The following SLC25A26 variants were observed in gnomAD, a reference collection of about 807,000 sequenced individuals.
SLC25A26 encodes the protein mitochondrial S-adenosylmethionine carrier protein.
Under a neutral mutation model 37.8 loss-of-function variants are expected in SLC25A26, and 36 were observed. That is an observed-to-expected ratio of 0.95 (90% confidence interval 0.73 to 1.26). The LOEUF is 1.26. SLC25A26 is among the 50% of genes most tolerant of loss of function. SLC25A26 has a pLI of 0.00. For missense variants in SLC25A26, 390 were observed against 331.1 expected (o/e 1.18, Z -1.38); for synonymous variants, 129 against 122.5 (o/e 1.05, Z -0.35).
intron 3 of SLC25A26, 47 bp from the exon 4 acceptor site, chr3:66,262,004 T>C: frequency 8.5e-7 from 1 of 1,183,362 alleles, no homozygotes; most frequent in Non-Finnish European, 1.2e-6. Context: ...TTTCAATTTT[T>C]ATAGCAGTTA....
intron 1 of SLC25A26, among the ~76,000 whole-genome samples, chr3:66,189,807 A>G (rs2070901959): frequency 2.0e-5 from 3 of 151,762 alleles, no homozygotes; most frequent in Admixed American, 1.3e-4. Context: ...GACTACAGGC[A>G]TGCACCACCA....
chr3:66,376,294 G>C (rs570601822), intron 9 of SLC25A26, among the ~76,000 whole-genome samples: 2 of 152,300 alleles, frequency 1.3e-5, no homozygotes, highest in African/African-American at 4.8e-5. Flanking sequence ...TGGCAGAGTT[G>C]AGACGGTTGA....
At chr3:66,360,505 TAAAA>T (rs1275195708) in intron 6 of SLC25A26, among the ~76,000 whole-genome samples, 1 of 150,998 alleles carries the variant, frequency 6.6e-6, no homozygotes, top group African/African-American at 2.4e-5. Context: ...ATGAGCTTTA[TAAAA>T]AAAAAGCTAT....
At chr3:66,348,127 TCAACAA>T (rs368232804) in intron 6 of SLC25A26, among the ~76,000 whole-genome samples, 21 of 152,078 alleles carry the variant, frequency 1.4e-4, no homozygotes, top group African/African-American at 4.6e-4. Context: ...CCCTGGAACT[TCAACAA>T]CAACAACAAC....
At chr3:66,372,137 T>G (rs1700379650) in intron 9 of SLC25A26, among the ~76,000 whole-genome samples, 1 of 152,148 alleles carries the variant, frequency 6.6e-6, no homozygotes, top group South Asian at 2.1e-4. Context: ...CAAATAGCAA[T>G]TGGGCTACAT....
chr3:66,281,663 T>TG (rs974372657), intron 5 of SLC25A26, among the ~76,000 whole-genome samples: 4 of 152,178 alleles, frequency 2.6e-5, no homozygotes, highest in Admixed American at 2.0e-4. Flanking sequence ...TTCATAAGTG[T>TG]GTGCAATCAC....
rs1371582460 is a variant in SLC25A26 at position 66,378,718 on chromosome 3, T to A, written c.*911T>A. ...AAACAGTATGTGATTTTGCTTCGCC[T>A]ATTTTTTTTTTCTTTTTTGGGGGAA... On this transcript the variant is annotated 3_prime_UTR_variant, in exon 10 of 10. Coordinates refer to ENST00000354883, the MANE Select transcript of SLC25A26 (RefSeq NM_001379210.1). 1 of 152,538 alleles carries A rather than the reference T, an allele frequency of 6.6e-6. No individual in the cohort carries two copies. The highest frequency in any genetic ancestry group is 2.4e-5 in the African/African-American group (1 of 41,412). 9.4% of individuals were successfully genotyped at this position (152,538 alleles called of 1,614,324 possible). A position where few individuals can be genotyped will look rare whatever the true frequency, so the allele number is the denominator to read the frequency against.
intron 1 of SLC25A26, among the ~76,000 whole-genome samples, chr3:66,226,888 A>G (rs1461294975): frequency 6.6e-6 from 1 of 152,042 alleles, no homozygotes; most frequent in Non-Finnish European, 1.5e-5. Flanking sequence ...TGTAATATAT[A>G]GGGGAAAAAT....
chr3:66,175,109 G>GTGTATATA (rs1553650656), intron 1 of SLC25A26, among the ~76,000 whole-genome samples: 3 of 97,330 alleles, frequency 3.1e-5, no homozygotes, highest in African/African-American at 1.2e-4. Flanking sequence ...ATGTGTGTGT[G>GTGTATATA]TATATATATA....
chr3:66,166,533 C>G (rs941104528), intron 1 of SLC25A26, among the ~76,000 whole-genome samples: 4 of 152,166 alleles, frequency 2.6e-5, no homozygotes, highest in African/African-American at 9.7e-5. Flanking sequence ...CCTTATCTGT[C>G]TTTTGGAATG....
At chr3:66,204,621 G>T (rs1016197657) in intron 1 of SLC25A26, among the ~76,000 whole-genome samples, 2,702 of 152,150 alleles carry the variant, frequency 0.018, 32 homozygotes, top group South Asian at 0.028. Flanking sequence ...CAAGAACATT[G>T]TCTATCTTGT....
At chr3:66,155,785 G>A (rs2070274342) in intron 1 of SLC25A26, among the ~76,000 whole-genome samples, 1 of 152,024 alleles carries the variant, frequency 6.6e-6, no homozygotes, top group Non-Finnish European at 1.5e-5. Flanking sequence ...AGACTCTCTC[G>A]CTCTCTCCCT....
chr3:66,243,268 T>C lies in SLC25A26; in HGVS notation c.256T>C (p.Leu86=). ...TTTGCATGCTGATTCATCTTCATAT[T>C]TGACACCTATGAAACATATGTTGGC... is the stretch of plus-strand genomic sequence containing the variant. ...WFLHADSSSY[L]TPMKHMLAAS... Residue 86 remains leucine, a synonymous_variant, in exon 3 of 10, where the codon TTG becomes CTG. Coordinates refer to ENST00000354883, the MANE Select transcript of SLC25A26 (RefSeq NM_001379210.1). 6.2e-7 allele frequency: 1 copy of C among 1,609,678 alleles called. No individual in the cohort carries two copies. The highest frequency in any genetic ancestry group is 8.5e-7 in the Non-Finnish European group (1 of 1,177,188).
At chr3:66,155,495 G>A (rs541850446) in intron 1 of SLC25A26, among the ~76,000 whole-genome samples, 18 of 152,144 alleles carry the variant, frequency 1.2e-4, no homozygotes, top group African/African-American at 1.9e-4. Context: ...CAGCCTGGGC[G>A]ACTGAGCAAG....
intron 5 of SLC25A26, among the ~76,000 whole-genome samples, chr3:66,311,217 G>C (rs533394855): frequency 1.3e-5 from 2 of 151,516 alleles, no homozygotes; most frequent in African/African-American, 4.8e-5. Context: ...TCATCTTGTC[G>C]TCACACTTTA....
intron 1 of SLC25A26, among the ~76,000 whole-genome samples, chr3:66,224,312 C>T (rs576795614): frequency 6.6e-6 from 1 of 152,200 alleles, no homozygotes; most frequent in Non-Finnish European, 1.5e-5. Context: ...AATTGACTTA[C>T]AGTTCCATTT....
At chr3:66,363,044 T>G in intron 7 of SLC25A26, 115 bp downstream of exon 7, 1 of 461,612 alleles carries the variant, frequency 2.2e-6, no homozygotes, top group Non-Finnish European at 3.6e-6. Flanking sequence ...TGAAGAGCGC[T>G]CCACTAGTTG....
At position 66,209,906 on chromosome 3, in the gene SLC25A26, A is replaced by C. The variant is rs1406266838; in HGVS notation, c.-353-10836A>C. Among the ~76,000 whole-genome samples the C allele has an allele frequency of 2.9e-3, 57 of 19,828 alleles. 1 individual carries two copies. The highest frequency in any genetic ancestry group is 0.01 in the African/African-American group (53 of 5,266). 13.0% of individuals were successfully genotyped at this position (19,828 alleles called of 152,430 possible). On this transcript the variant is annotated intron_variant, in intron 1 of 10. Transcript: ENST00000676754. ...TCTCTCTCTCTCTCTATTTATATAT[A>C]TATATATATATATATATATATATAT...
intron 9 of SLC25A26, among the ~76,000 whole-genome samples, chr3:66,376,705 T>C (rs1161588752): frequency 1.3e-5 from 2 of 152,224 alleles, no homozygotes; most frequent in South Asian, 4.1e-4. Context: ...GTGGCCAAAC[T>C]TGGCCTGGGA....
Sources: allele counts gnomAD v4.1 joint callset (sites outside exome capture counted in the v4.1 genomes callset), GRCh38; gene constraint gnomAD v4.1.1; transcripts MANE v1.5; gene names NCBI Gene and HGNC (gene_info 2026-07-23, HGNC 2026-07-21).